Variants in SGCZ observed in about 807,000 individuals in gnomAD.
The protein encoded by SGCZ is zeta-sarcoglycan.
Under a neutral mutation model 41.3 loss-of-function variants are expected in SGCZ, and 40 were observed. The ratio of observed to expected loss-of-function variants is 0.97; its 90% CI spans 0.75 to 1.26. SGCZ has a LOEUF of 1.26. Ranked by LOEUF, SGCZ falls within the 50% of genes most tolerant of loss-of-function variation. The pLI is 0.00. For synonymous variants in SGCZ, 206 were observed against 137.5 expected (o/e 1.50, Z -3.49); for missense variants, 552 against 369.8 (o/e 1.49, Z -4.04).
intron 1 of SGCZ, among the ~76,000 whole-genome samples, chr8:14,841,448 C>T (rs1028118622): frequency 6.6e-6 from 1 of 152,126 alleles, no homozygotes. Flanking sequence ...AAAATTCTAT[C>T]CTTTCTGAGA....
rs537334931 is a variant in SGCZ at position 14,859,295 on chromosome 8, A to G, written c.40-304369T>C. ...TTAAGAGTGTATAGCAGTAAAGACT[A>G]TAGTGACCACTAGCATATTTTGGGA... On this transcript the variant is annotated intron_variant, in intron 1 of 7. Coordinates refer to ENST00000382080, the MANE Select transcript of SGCZ (RefSeq NM_139167.4). Among the ~76,000 whole-genome samples the G allele has an allele frequency of 3.3e-5, 5 of 152,286 alleles. No individual in the cohort carries two copies. The South Asian group carries it at 8.3e-4, about 25-fold the overall frequency.
At chr8:14,296,335 A>T (rs1474817715) in intron 3 of SGCZ, among the ~76,000 whole-genome samples, 1 of 152,222 alleles carries the variant, frequency 6.6e-6, no homozygotes, top group East Asian at 1.9e-4. Context: ...AGAAAAGCTG[A>T]GAGTTGCCAG....
chr8:14,531,242 A>G (rs1803121233), intron 2 of SGCZ, among the ~76,000 whole-genome samples: 1 of 149,024 alleles, frequency 6.7e-6, no homozygotes. Context: ...AGCCCATAAA[A>G]ACCCCAGATT....
intron 2 of SGCZ, among the ~76,000 whole-genome samples, chr8:14,449,028 G>C (rs1451075622): frequency 6.6e-6 from 1 of 152,132 alleles, no homozygotes; most frequent in African/African-American, 2.4e-5. Context: ...CAAACAGATA[G>C]AAGTGAAAGG....
chr8:14,873,882 G>A (rs1319360339), intron 1 of SGCZ, among the ~76,000 whole-genome samples: 2 of 152,146 alleles, frequency 1.3e-5, no homozygotes, highest in African/African-American at 4.8e-5. Flanking sequence ...TTTGGCAACT[G>A]TCTTTCTCTT....
intron 1 of SGCZ, among the ~76,000 whole-genome samples, chr8:14,872,722 T>C (rs777915660): frequency 2.4e-4 from 36 of 152,116 alleles, no homozygotes; most frequent in Admixed American, 1.8e-3. Context: ...GGAATATTAT[T>C]TTAAATGACA....
chr8:14,781,240 TTTC>T (rs1362426367), intron 1 of SGCZ, among the ~76,000 whole-genome samples: 2 of 152,170 alleles, frequency 1.3e-5, no homozygotes, highest in African/African-American at 4.8e-5. Context: ...TTACTGTTTT[TTTC>T]TTCTTTGAGA....
chr8:15,105,440 A>G (rs560460747), intron 1 of SGCZ, among the ~76,000 whole-genome samples: 12 of 152,188 alleles, frequency 7.9e-5, no homozygotes, highest in African/African-American at 1.2e-4. Flanking sequence ...CAGGAAACGT[A>G]CAATCAAGGC....
chr8:14,527,134 A>T (rs575391690), intron 2 of SGCZ, among the ~76,000 whole-genome samples: 1 of 152,258 alleles, frequency 6.6e-6, no homozygotes, highest in South Asian at 2.1e-4. Flanking sequence ...ATACTCTTCC[A>T]AGGTTACCAG....
At chr8:14,559,333 A>G (rs1460949770) in intron 1 of SGCZ, among the ~76,000 whole-genome samples, 2 of 152,144 alleles carry the variant, frequency 1.3e-5, no homozygotes, top group African/African-American at 2.4e-5. Context: ...CTATACACCA[A>G]CAGTGACCAA....
At chr8:14,474,506 A>G (rs140022484) in intron 2 of SGCZ, among the ~76,000 whole-genome samples, 1 of 152,368 alleles carries the variant, frequency 6.6e-6, no homozygotes, top group Non-Finnish European at 1.5e-5. Context: ...AATAGTCATC[A>G]TAATTATTCC....
At chr8:14,289,258 T>C (rs961277285) in intron 3 of SGCZ, among the ~76,000 whole-genome samples, 1 of 151,930 alleles carries the variant, frequency 6.6e-6, no homozygotes, top group Non-Finnish European at 1.5e-5. Context: ...TTAATGAGTA[T>C]TTTTTTAATT....
At chr8:14,434,296 TG>T (rs1319115317) in intron 2 of SGCZ, among the ~76,000 whole-genome samples, 3 of 152,202 alleles carry the variant, frequency 2.0e-5, no homozygotes, top group Non-Finnish European at 4.4e-5. Context: ...GGTTTATTTC[TG>T]GGTTCTGTAT....
At chr8:15,097,888 GTATATA>G (rs377298460) in intron 1 of SGCZ, among the ~76,000 whole-genome samples, 62 of 120,648 alleles carry the variant, frequency 5.1e-4, no homozygotes, top group Middle Eastern at 8.5e-3. Flanking sequence ...ATATACGTGT[GTATATA>G]TATATATATA....
chr8:14,176,596 T>C (rs1351848945), intron 4 of SGCZ, among the ~76,000 whole-genome samples: 2 of 152,078 alleles, frequency 1.3e-5, no homozygotes, highest in African/African-American at 2.4e-5. Context: ...CTAATAAATA[T>C]AAAAGGACAA....
At chr8:15,133,218 T>A (rs189805262) in intron 1 of SGCZ, among the ~76,000 whole-genome samples, 1 of 152,172 alleles carries the variant, frequency 6.6e-6, no homozygotes, top group African/African-American at 2.4e-5. Flanking sequence ...AACAAGATCA[T>A]GATGTGCCTT....
At chr8:14,719,907 T>C (rs1165428506) in intron 1 of SGCZ, among the ~76,000 whole-genome samples, 4 of 152,070 alleles carry the variant, frequency 2.6e-5, no homozygotes, top group Non-Finnish European at 5.9e-5. Context: ...GCTTTTGGTG[T>C]TTTAGACATG....
At chr8:14,686,474 A>C (rs1344060039) in intron 1 of SGCZ, among the ~76,000 whole-genome samples, 1 of 152,244 alleles carries the variant, frequency 6.6e-6, no homozygotes, top group East Asian at 1.9e-4. Context: ...AACTAGGAGT[A>C]ATAGAGTTGG....
At chr8:14,651,292 T>G (rs6530794) in intron 1 of SGCZ, among the ~76,000 whole-genome samples, 4 of 151,338 alleles carry the variant, frequency 2.6e-5, no homozygotes, top group African/African-American at 9.7e-5. Flanking sequence ...GGGCATTTTA[T>G]GAAAATATTT....
Sources: gnomAD v4.1 joint callset for allele counts (sites outside exome capture counted in the v4.1 genomes callset) on GRCh38, gnomAD v4.1.1 for gene constraint, MANE v1.5 for transcripts, NCBI Gene and HGNC (gene_info 2026-07-23, HGNC 2026-07-21) for gene names.